FMC1: variants seen among roughly 807,000 people sequenced by gnomAD.
FMC1 encodes the protein formation of mitochondrial complex V assembly factor 1, also known as protein FMC1 homolog.
In FMC1, 6 loss-of-function variants were observed where a neutral mutation model predicts 10.5. That is an observed-to-expected ratio of 0.57 (90% confidence interval 0.31 to 1.12). The LOEUF is 1.12. FMC1 is among the 50% of genes most tolerant of loss of function. FMC1 has a pLI of 0.05. For synonymous variants in FMC1, 59 were observed against 62.1 expected (o/e 0.95, Z 0.24); for missense variants, 146 against 151.7 (o/e 0.96, Z 0.20).
intron 1 of FMC1, among the ~76,000 whole-genome samples, chr7:139,342,549 A>G (rs1469868054): frequency 6.6e-6 from 1 of 152,004 alleles, no homozygotes; most frequent in Non-Finnish European, 1.5e-5. Context: ...GATTGTGATC[A>G]CCTCCCAGGT....
upstream of FMC1, chr7:139,341,313 G>T: frequency 1.9e-6 from 3 of 1,543,728 alleles, no homozygotes; most frequent in South Asian, 1.2e-5. Context: ...ACCATTAGGC[G>T]CCTGGGCCGG....
At chr7:139,340,534 G>C (rs1798882759), upstream of FMC1, 1 of 398,384 alleles carries the variant, frequency 2.5e-6, no homozygotes, top group Admixed American at 4.4e-5. Context: ...CCTTTGGCGC[G>C]GTGATGTGGA....
Position 139,341,377 on chromosome 7 carries a change from A to G in FMC1, c.-8A>G, listed in dbSNP as rs1201013823. On this transcript the variant is annotated 5_prime_UTR_variant, in exon 1 of 2. Coordinates refer to ENST00000297534, the MANE Select transcript of FMC1 (RefSeq NM_197964.5). ...CGTTGGGCACCACGCTCGGAGAAGG[A>G]CAGGACAATGGCGGCCTTAGGGTCC... The G allele has an allele frequency of 1.2e-6, 2 of 1,611,202 alleles. No homozygotes were observed. Among genetic ancestry groups the G allele is most frequent in the African/African-American group, 1.3e-5 (1 of 74,918 alleles).
At chr7:139,343,639 G>A (rs1799110121) in intron 1 of FMC1, among the ~76,000 whole-genome samples, 1 of 152,090 alleles carries the variant, frequency 6.6e-6, no homozygotes, top group South Asian at 2.1e-4. Context: ...TATTCAAATA[G>A]AGAAAGGGGA....
intron 1 of FMC1, among the ~76,000 whole-genome samples, chr7:139,343,243 A>G (rs1315530606): frequency 6.6e-6 from 1 of 152,228 alleles, no homozygotes; most frequent in Non-Finnish European, 1.5e-5. Flanking sequence ...AATGCTTGAC[A>G]TTGGTGTTGA....
chr7:139,343,513 A>G (rs1342405091), intron 1 of FMC1, among the ~76,000 whole-genome samples: 1 of 152,134 alleles, frequency 6.6e-6, no homozygotes, highest in Non-Finnish European at 1.5e-5. Flanking sequence ...GAAGTCGATC[A>G]AGGCTGCAGT....
chr7:139,344,710 T>C (rs1207861349), intron 1 of FMC1, among the ~76,000 whole-genome samples: 1 of 143,190 alleles, frequency 7.0e-6, no homozygotes, highest in African/African-American at 2.6e-5. Flanking sequence ...TTTTTTTTTT[T>C]TTTTTTTGTT....
At chr7:139,345,439 T>G in intron 1 of FMC1, 62 bp from the exon 2 acceptor site, 1 of 1,596,200 alleles carries the variant, frequency 6.3e-7, no homozygotes, top group Non-Finnish European at 8.5e-7. Flanking sequence ...ATTTATTAAA[T>G]CTTTCTCTGT....
chr7:139,341,250 G>A, upstream of FMC1: 2 of 1,427,162 alleles, frequency 1.4e-6, no homozygotes, highest in South Asian at 1.4e-5. Context: ...GGACAAGTGA[G>A]CGGTTCCACT....
Position 139,346,037 on chromosome 7 carries a change from C to T in FMC1, c.*333C>T, listed in dbSNP as rs925998223. On this transcript the variant is annotated 3_prime_UTR_variant, in exon 2 of 2. Coordinates refer to ENST00000297534, the MANE Select transcript of FMC1 (RefSeq NM_197964.5). Reference sequence around the variant, plus strand: ...CGGATCACCTGAGGTTGGGAGTTCGCGACCAGCCTGACCAACATGGAAAAA... The same window carrying T: ...CGGATCACCTGAGGTTGGGAGTTCGTGACCAGCCTGACCAACATGGAAAAA... 2 of 170,904 alleles carry T rather than the reference C, an allele frequency of 1.2e-5. No individual in the cohort carries two copies. Among genetic ancestry groups the T allele is most frequent in the African/African-American group, 2.4e-5 (1 of 41,604 alleles). 10.6% of individuals were successfully genotyped at this position (170,904 alleles called of 1,614,324 possible).
upstream of FMC1, among the ~76,000 whole-genome samples, chr7:139,340,946 T>C (rs1201703858): frequency 1.3e-5 from 2 of 152,126 alleles, no homozygotes; most frequent in East Asian, 3.9e-4. Context: ...CCCCTGGGAT[T>C]TGGGGAGACG....
chr7:139,345,122 A>G (rs1799209953), intron 1 of FMC1: 1 of 175,480 alleles, frequency 5.7e-6, no homozygotes, highest in Admixed American at 5.9e-5. Context: ...GTTCTACATA[A>G]TATTCTTTAG....
upstream of FMC1, among the ~76,000 whole-genome samples, chr7:139,340,830 A>G (rs1421435215): frequency 7.2e-6 from 1 of 139,342 alleles, no homozygotes; most frequent in African/African-American, 2.7e-5. Context: ...TGCCAACTTT[A>G]CTTTTTTTTT....
In FMC1 at chr7:139,345,846, A is replaced by G; in HGVS notation, c.*142A>G. The stretch of plus-strand genomic sequence containing the variant: ...TAGTTCTTAGGGGAATTAACTGGAC[A>G]TTTCATCTTTACTCTCAGTGAATTT... On this transcript the variant is annotated 3_prime_UTR_variant, in exon 2 of 2. Transcript: ENST00000297534. The G allele has an allele frequency of 1.1e-6, 1 of 902,690 alleles. No homozygotes were observed. The highest frequency in any genetic ancestry group is 1.6e-6 in the Non-Finnish European group (1 of 632,910). The allele number at this position is 902,690 out of a possible 1,614,324, so 55.9% of individuals were successfully genotyped here.
chr7:139,342,728 T>G (rs565166643), intron 1 of FMC1, among the ~76,000 whole-genome samples: 11 of 152,284 alleles, frequency 7.2e-5, no homozygotes, highest in African/African-American at 2.4e-4. Context: ...TCCCAAAGTG[T>G]TGTAATTACA....
At chr7:139,343,572 CCT>C (rs1799107026) in intron 1 of FMC1, among the ~76,000 whole-genome samples, 1 of 152,002 alleles carries the variant, frequency 6.6e-6, no homozygotes. Flanking sequence ...GGAGCGAGAC[CCT>C]GTCTCAAAAA....
intron 1 of FMC1, among the ~76,000 whole-genome samples, chr7:139,342,894 A>C (rs1331154334): frequency 6.6e-6 from 1 of 152,208 alleles, no homozygotes; most frequent in Non-Finnish European, 1.5e-5. Flanking sequence ...TCTGGAATGC[A>C]CTTGAGCATA....
intron 1 of FMC1, 132 bp from the exon 2 acceptor site, chr7:139,345,369 G>GTAT: frequency 7.4e-7 from 1 of 1,348,598 alleles, no homozygotes; most frequent in East Asian, 2.5e-5. Flanking sequence ...AAGTATACAT[G>GTAT]TATATACATA....
upstream of FMC1, chr7:139,340,493 C>T (rs1207759347): frequency 2.0e-5 from 8 of 398,560 alleles, no homozygotes; most frequent in South Asian, 5.1e-4. Context: ...CGTTCAACGT[C>T]CGGAGCATCG....
Sources: gnomAD v4.1 joint callset for allele counts (sites outside exome capture counted in the v4.1 genomes callset) on GRCh38, gnomAD v4.1.1 for gene constraint, MANE v1.5 for transcripts, NCBI Gene and HGNC (gene_info 2026-07-23, HGNC 2026-07-21) for gene names.